The following ARL8B variants were observed in gnomAD, a reference collection of about 807,000 sequenced individuals.
ARL8B encodes the protein ADP-ribosylation factor-like protein 8B.
In ARL8B, 9 loss-of-function variants were observed where a neutral mutation model predicts 30.6. That is an observed-to-expected ratio of 0.29 (90% CI 0.18 to 0.51). ARL8B has a LOEUF of 0.51. Among genes scored for constraint, ARL8B ranks in the 20% least tolerant of loss-of-function variants. The pLI is 0.97. For missense variants in ARL8B, 130 were observed against 227.2 expected, an observed-to-expected ratio of 0.57 and a Z score of 2.75; for synonymous variants, 74 against 76.0, an observed-to-expected ratio of 0.97 and a Z score of 0.14.
At chr3:5,136,161 G>A (rs778828339) in intron 1 of ARL8B, among the ~76,000 whole-genome samples, 4 of 152,044 alleles carry the variant, frequency 2.6e-5, no homozygotes, top group African/African-American at 4.8e-5. Context: ...CTGGAGTGTA[G>A]TGGCGTGATC....
chr3:5,123,868 G>T (rs111553266), intron 1 of ARL8B, among the ~76,000 whole-genome samples: 6,957 of 152,170 alleles, frequency 0.046, 343 homozygotes, highest in East Asian at 0.13. Flanking sequence ...TTTTCTAGTA[G>T]TATTATTATT....
At chr3:5,169,226 A>G (rs576653818) in intron 1 of ARL8B, among the ~76,000 whole-genome samples, 1 of 152,162 alleles carries the variant, frequency 6.6e-6, no homozygotes, top group East Asian at 1.9e-4. Flanking sequence ...CTGAAACTCC[A>G]TACCCATTAA....
At chr3:5,166,169 A>T (rs1480318440) in intron 1 of ARL8B, among the ~76,000 whole-genome samples, 1 of 148,672 alleles carries the variant, frequency 6.7e-6, no homozygotes, top group Non-Finnish European at 1.5e-5. Flanking sequence ...CCTCCCAAGT[A>T]GTTGGGATTA....
intron 4 of ARL8B, among the ~76,000 whole-genome samples, chr3:5,173,285 T>A (rs553547019): frequency 6.6e-6 from 1 of 152,302 alleles, no homozygotes; most frequent in South Asian, 2.1e-4. Flanking sequence ...AGTGGGAAAC[T>A]GAGAAGAGGC....
chr3:5,142,102 G>C (rs1403599842), intron 1 of ARL8B, among the ~76,000 whole-genome samples: 1 of 152,096 alleles, frequency 6.6e-6, no homozygotes, highest in African/African-American at 2.4e-5. Context: ...AGGGTGAAGG[G>C]AATGGCCAAT....
Position 5,124,244 on chromosome 3 carries a change from C to A in ARL8B, c.123+1656C>A, listed in dbSNP as rs914015520. 3.5e-5 allele frequency among the ~76,000 whole-genome samples: 5 copies of A among 141,790 alleles called. No individual in the cohort carries two copies. The Admixed American group carries it at 3.7e-4, about 10-fold the overall frequency. The allele number at this position is 141,790 out of a possible 152,430, so 93.0% of individuals were successfully genotyped here. On this transcript the variant is annotated intron_variant, in intron 1 of 6. Transcript: ENST00000256496. ...AGGAATAGAAGAGTGGAATGTGTATCTAATACCACTAATTTTTTTTTTTTT... is the reference window on the plus strand; with the variant it reads ...AGGAATAGAAGAGTGGAATGTGTATATAATACCACTAATTTTTTTTTTTTT...
intron 1 of ARL8B, among the ~76,000 whole-genome samples, chr3:5,161,819 C>T (rs1460990766): frequency 6.6e-6 from 1 of 152,202 alleles, no homozygotes; most frequent in East Asian, 1.9e-4. Context: ...GTCACTACTT[C>T]AAGAAAGGCC....
chr3:5,124,491 G>GTGCA (rs1251240287), intron 1 of ARL8B, among the ~76,000 whole-genome samples: 19 of 151,408 alleles, frequency 1.3e-4, no homozygotes, highest in Non-Finnish European at 2.7e-4. Context: ...TTGGAGACAG[G>GTGCA]GTCTTGAGCT....
intron 1 of ARL8B, among the ~76,000 whole-genome samples, chr3:5,154,846 G>C (rs2054518317): frequency 6.6e-6 from 1 of 152,182 alleles, no homozygotes; most frequent in African/African-American, 2.4e-5. Context: ...GAGTAGCTGG[G>C]ATTACAGGGG....
In ARL8B at chr3:5,122,357, G is replaced by A. The variant is rs2054189143; in HGVS notation, c.-109G>A. 1.3e-6 allele frequency: 2 copies of A among 1,560,152 alleles called. No individual in the cohort carries two copies. The highest frequency in any genetic ancestry group is 1.4e-5 in the African/African-American group (1 of 73,242). ...CGCCGGTGTCCGCCCGTGTCGCGCC[G>A]GGGCACCAAGGAGCCGTTGGAGGGT... On this transcript the variant is annotated 5_prime_UTR_variant, in exon 1 of 7. Transcript: ENST00000256496.
chr3:5,136,287 A>G (rs998731217), intron 1 of ARL8B, among the ~76,000 whole-genome samples: 3 of 152,228 alleles, frequency 2.0e-5, no homozygotes, highest in Non-Finnish European at 4.4e-5. Context: ...GTAGACATTT[A>G]CTGATTTATG....
intron 1 of ARL8B, among the ~76,000 whole-genome samples, chr3:5,145,447 G>T (rs910864352): frequency 1.3e-5 from 2 of 152,144 alleles, no homozygotes; most frequent in African/African-American, 4.8e-5. Flanking sequence ...CAGGGCTGTG[G>T]CAGCTACTGC....
At chr3:5,174,172 ATT>A in intron 5 of ARL8B, 88 bp downstream of exon 5, 1 of 1,273,982 alleles carries the variant, frequency 7.8e-7, no homozygotes, top group Non-Finnish European at 1.1e-6. Context: ...GATCATAGCC[ATT>A]TTTTTTAGGT....
chr3:5,125,231 A>T lies in ARL8B; in HGVS notation c.123+2643A>T, dbSNP rs117795108. Among the ~76,000 whole-genome samples, 26 of 152,306 alleles carry T rather than the reference A, an allele frequency of 1.7e-4. 1 individual carries two copies. The East Asian group carries it at 5.0e-3, about 29-fold the overall frequency. ...GAAAGATGTTAAGTGGCTAGCACTC[A>T]TACTGGCCCACAGAAGGGGATAGGT... On this transcript the variant is annotated intron_variant, in intron 1 of 6. Coordinates refer to ENST00000256496, the MANE Select transcript of ARL8B (RefSeq NM_018184.3).
Position 5,151,725 on chromosome 3 carries a change from C to CG in ARL8B, c.124-18778_124-18777insG, listed in dbSNP as rs1317009465. Among the ~76,000 whole-genome samples the CG allele has an allele frequency of 4.0e-5, 5 of 124,634 alleles. No individual in the cohort carries two copies. The East Asian group carries it at 1.1e-3, about 28-fold the overall frequency. The allele number at this position is 124,634 out of a possible 152,430, so 81.8% of individuals were successfully genotyped here. A position where few individuals can be genotyped will look rare whatever the true frequency, so the allele number is the denominator to read the frequency against. On this transcript the variant is annotated intron_variant, in intron 1 of 6. Transcript: ENST00000256496. ...TTGTGAAGCTTTTCTCCCCCCACCC[C>CG]CCCCCTTGGAGATAGGATCTTGCTG...
chr3:5,150,257 G>C (rs1054520900), intron 1 of ARL8B, among the ~76,000 whole-genome samples: 12 of 152,008 alleles, frequency 7.9e-5, no homozygotes, highest in African/African-American at 2.9e-4. Context: ...GAGGTTGAGA[G>C]TTCAAGACCA....
chr3:5,158,888 C>T, intron 1 of ARL8B, among the ~76,000 whole-genome samples: 1 of 151,768 alleles, frequency 6.6e-6, no homozygotes, highest in East Asian at 1.9e-4. Context: ...ATATGAAATT[C>T]ATTCTGTTGT....
rs1464396129 is a variant in ARL8B, at chr3:5,174,413, A to G, written c.510A>G (p.Ile170Met). The change falls in exon 6 of 7, where the codon ATA becomes ATG. Residue 170 changes from isoleucine (I) to methionine (M), a missense_variant and splice_region_variant. Ile to Met is a conservative substitution (Grantham distance 10). Transcript: ENST00000256496. ...YSISCKEKDNIDITLQWLIQH... is the reference protein window; with the variant it reads ...YSISCKEKDNMDITLQWLIQH... ...TTTCTTGCAAAGAAAAGGATAATAT[A>G]GGTAAGAAATGACTGGTAATTTTGG... is the stretch of plus-strand genomic sequence containing the variant. The G allele has an allele frequency of 1.3e-6, 2 of 1,588,718 alleles. No homozygotes were observed. The highest frequency in any genetic ancestry group is 1.7e-6 in the Non-Finnish European group (2 of 1,158,046).
chr3:5,176,113 A>G (rs961985081), intron 6 of ARL8B, among the ~76,000 whole-genome samples: 2 of 152,224 alleles, frequency 1.3e-5, no homozygotes, highest in East Asian at 1.9e-4. Context: ...ACAAAATGTA[A>G]TAAATAGTAC....
Sources: allele counts gnomAD v4.1 joint callset (sites outside exome capture counted in the v4.1 genomes callset), GRCh38; gene constraint gnomAD v4.1.1; transcripts MANE v1.5; gene names NCBI Gene and HGNC (gene_info 2026-07-23, HGNC 2026-07-21).